The following DGKG variants were observed in gnomAD, a reference collection of about 807,000 sequenced individuals.
DGKG encodes the protein DAG kinase gamma.
DGKG carries 78 observed loss-of-function variants against 105.3 expected under a neutral mutation model. The observed-to-expected ratio is 0.74, with a 90% CI of 0.62 to 0.89. The LOEUF (loss-of-function observed/expected upper bound fraction) is 0.89. Ranked by LOEUF, DGKG falls within the 40% of genes least tolerant of loss-of-function variation. DGKG has a pLI of 0.00. For synonymous variants in DGKG, 346 were observed against 367.1 expected, an observed-to-expected ratio of 0.94 and a Z score of 0.66; for missense variants, 958 against 1,020.1, an observed-to-expected ratio of 0.94 and a Z score of 0.83.
At chr3:186,288,280 A>G (rs908413124) in intron 6 of DGKG, among the ~76,000 whole-genome samples, 4 of 152,216 alleles carry the variant, frequency 2.6e-5, no homozygotes, top group Admixed American at 2.6e-4. Flanking sequence ...AGAAAAGAAT[A>G]TTTCCTCATA....
At chr3:186,236,521 T>C (rs547377834) in intron 20 of DGKG, among the ~76,000 whole-genome samples, 1 of 152,368 alleles carries the variant, frequency 6.6e-6, no homozygotes, top group Admixed American at 6.5e-5. Flanking sequence ...ACATAGCTAA[T>C]AAGCGGCAAA....
chr3:186,310,274 A>AAAAAAAAAAAAAAAAAC (rs1724466757), intron 2 of DGKG, among the ~76,000 whole-genome samples: 1 of 146,052 alleles, frequency 6.8e-6, no homozygotes, highest in South Asian at 2.1e-4. Flanking sequence ...TCAAAAAAAA[A>AAAAAAAAAAAAAAAAAC]AAAAAAAAAA....
intron 20 of DGKG, among the ~76,000 whole-genome samples, chr3:186,238,291 C>CT (rs1553806056): frequency 4.9e-5 from 1 of 20,342 alleles, no homozygotes; most frequent in Non-Finnish European, 1.3e-4. Context: ...ATGACTCTTT[C>CT]TAAAAAAAAA....
intron 21 of DGKG, among the ~76,000 whole-genome samples, chr3:186,198,901 A>G (rs1425664858): frequency 2.0e-5 from 3 of 152,250 alleles, no homozygotes; most frequent in Non-Finnish European, 4.4e-5. Context: ...TCAGAAAGGA[A>G]GAAAAGGTGA....
At chr3:186,318,529 C>T (rs938199022) in intron 2 of DGKG, among the ~76,000 whole-genome samples, 3 of 152,104 alleles carry the variant, frequency 2.0e-5, no homozygotes, top group African/African-American at 7.2e-5. Context: ...CAGGATGTAA[C>T]CTTATTTGGG....
At chr3:186,232,072 A>G (rs1162178033) in intron 20 of DGKG, among the ~76,000 whole-genome samples, 1 of 152,228 alleles carries the variant, frequency 6.6e-6, no homozygotes, top group Non-Finnish European at 1.5e-5. Context: ...AAAGGATAAA[A>G]TATTTTTCAT....
intron 1 of DGKG, among the ~76,000 whole-genome samples, chr3:186,352,903 C>G (rs1006471238): frequency 5.9e-5 from 9 of 152,148 alleles, no homozygotes; most frequent in African/African-American, 2.2e-4. Context: ...CTCCCCTCAT[C>G]ACTAGCTACA....
At chr3:186,321,705 A>G (rs1055955214) in intron 1 of DGKG, among the ~76,000 whole-genome samples, 1 of 152,214 alleles carries the variant, frequency 6.6e-6, no homozygotes, top group Non-Finnish European at 1.5e-5. Context: ...TGGGAGGTAT[A>G]TATGGACCAT....
chr3:186,353,936 G>A, intron 1 of DGKG, among the ~76,000 whole-genome samples: 1 of 152,126 alleles, frequency 6.6e-6, no homozygotes, highest in East Asian at 1.9e-4. Context: ...AGGAACATAT[G>A]GCTACTAGCT....
chr3:186,314,224 CAT>C (rs1425176018), intron 2 of DGKG, among the ~76,000 whole-genome samples: 22 of 118,024 alleles, frequency 1.9e-4, no homozygotes, highest in African/African-American at 6.7e-4. Context: ...CACACACACA[CAT>C]TAATGTATGT....
intron 22 of DGKG, among the ~76,000 whole-genome samples, chr3:186,168,845 G>A (rs552545434): frequency 2.0e-4 from 31 of 152,096 alleles, no homozygotes; most frequent in Admixed American, 5.2e-4. Flanking sequence ...GTGAGACTCT[G>A]TCTTAAAACA....
chr3:186,269,808 C>A (rs1251961625), intron 11 of DGKG, among the ~76,000 whole-genome samples: 1 of 152,136 alleles, frequency 6.6e-6, no homozygotes, highest in Admixed American at 6.5e-5. Context: ...CAGGAAAGAC[C>A]ACCAGGGCAG....
At chr3:186,322,553 T>C (rs1725128976) in intron 1 of DGKG, among the ~76,000 whole-genome samples, 1 of 151,950 alleles carries the variant, frequency 6.6e-6, no homozygotes, top group Non-Finnish European at 1.5e-5. Flanking sequence ...ATAACAAACC[T>C]GCACAAGAAC....
intron 22 of DGKG, among the ~76,000 whole-genome samples, chr3:186,179,613 T>C (rs562469641): frequency 3.9e-5 from 6 of 152,356 alleles, no homozygotes; most frequent in African/African-American, 9.6e-5. Flanking sequence ...ACAGTTTCTA[T>C]AGAAATAGGC....
intron 20 of DGKG, among the ~76,000 whole-genome samples, chr3:186,241,463 G>A (rs1720681319): frequency 6.6e-6 from 1 of 152,076 alleles, no homozygotes; most frequent in Non-Finnish European, 1.5e-5. Context: ...TGAGGCAGGA[G>A]AATCGCTTGA....
intron 1 of DGKG, among the ~76,000 whole-genome samples, chr3:186,324,400 A>G (rs1393115419): frequency 6.6e-6 from 1 of 152,156 alleles, no homozygotes; most frequent in Non-Finnish European, 1.5e-5. Flanking sequence ...CAACAAACAT[A>G]AAAACAAAAT....
At chr3:186,252,487 T>G (rs1721272581) in intron 18 of DGKG, among the ~76,000 whole-genome samples, 2 of 152,240 alleles carry the variant, frequency 1.3e-5, no homozygotes, top group African/African-American at 4.8e-5. Flanking sequence ...TTCTGGCGCA[T>G]GTCCAACGCC....
chr3:186,170,338 GGT>G (rs1359061749), intron 22 of DGKG, among the ~76,000 whole-genome samples: 2 of 152,160 alleles, frequency 1.3e-5, no homozygotes, highest in Non-Finnish European at 1.5e-5. Context: ...CTCAAAGTCT[GGT>G]CCTGGACCGG....
intron 20 of DGKG, among the ~76,000 whole-genome samples, 177 bp from the exon 21 acceptor site, chr3:186,212,062 C>G (rs1241935410): frequency 2.6e-5 from 4 of 152,210 alleles, no homozygotes; most frequent in African/African-American, 9.7e-5. Context: ...TGTTCTTGCT[C>G]GGAACTTAGA....
Sources: gnomAD v4.1 joint callset for allele counts (sites outside exome capture counted in the v4.1 genomes callset) on GRCh38, gnomAD v4.1.1 for gene constraint, MANE v1.5 for transcripts, NCBI Gene and HGNC (gene_info 2026-07-23, HGNC 2026-07-21) for gene names.